PRKG1: variants seen among roughly 807,000 people sequenced by gnomAD.
The protein encoded by PRKG1 is protein kinase cGMP-dependent 1.
A neutral mutation model predicts 88.1 loss-of-function variants in PRKG1; 35 were observed. The observed-to-expected ratio is 0.40, with a 90% CI of 0.30 to 0.53. The LOEUF is 0.53. PRKG1 is among the 20% of genes least tolerant of loss of function. The pLI is 0.59. For missense variants in PRKG1, 540 were observed against 839.8 expected (o/e 0.64, Z 4.41); for synonymous variants, 303 against 292.5 (o/e 1.04, Z -0.37).
chr10:51,770,763 G>A (rs533870326), intron 3 of PRKG1, among the ~76,000 whole-genome samples: 1 of 152,252 alleles, frequency 6.6e-6, no homozygotes, highest in South Asian at 2.1e-4. Flanking sequence ...CTACAGCCCC[G>A]TTTGTGGAAA....
At chr10:51,343,022 C>T (rs1015508634) in intron 2 of PRKG1, among the ~76,000 whole-genome samples, 1 of 152,156 alleles carries the variant, frequency 6.6e-6, no homozygotes, top group African/African-American at 2.4e-5. Flanking sequence ...GTAGACTTCA[C>T]AGGAAAAGGG....
chr10:51,681,448 C>T (rs1166759468), intron 3 of PRKG1, among the ~76,000 whole-genome samples: 1 of 152,048 alleles, frequency 6.6e-6, no homozygotes, highest in Non-Finnish European at 1.5e-5. Flanking sequence ...ACTATTTCTA[C>T]ATAAATCTAC....
chr10:51,431,905 T>A lies in PRKG1; in HGVS notation c.479-35818T>A, dbSNP rs1392084960. ...AACAAAGCAAAAAAGCCTGCCCACA[T>A]GTTTTTACCACATATGGAAAAATAT... On this transcript the variant is annotated intron_variant, in intron 2 of 17. Coordinates refer to ENST00000373980, the MANE Select transcript of PRKG1 (RefSeq NM_006258.4). Among the ~76,000 whole-genome samples the A allele has an allele frequency of 2.6e-5, 4 of 152,284 alleles. No individual in the cohort carries two copies. In the East Asian group the frequency reaches 7.7e-4, roughly 29 times the overall value.
At chr10:51,340,757 G>T (rs1841986977) in intron 2 of PRKG1, among the ~76,000 whole-genome samples, 1 of 152,144 alleles carries the variant, frequency 6.6e-6, no homozygotes, top group Admixed American at 6.5e-5. Flanking sequence ...TTTGAGAAAA[G>T]TTCAGTGCCT....
intron 5 of PRKG1, among the ~76,000 whole-genome samples, chr10:51,979,239 A>G (rs533266148): frequency 2.0e-4 from 30 of 151,858 alleles, no homozygotes; most frequent in African/African-American, 7.0e-4. Flanking sequence ...CTCTTGTTCT[A>G]TTTATATGAT....
In PRKG1 at chr10:52,297,155, T is replaced by C. The variant is rs1564551259; in HGVS notation, c.*3255T>C. 6.6e-6 allele frequency: 1 copy of C among 152,178 alleles called. No individual in the cohort carries two copies. Among genetic ancestry groups the C allele is most frequent in the Non-Finnish European group, 1.5e-5 (1 of 68,020 alleles). 9.4% of individuals were successfully genotyped at this position (152,178 alleles called of 1,614,324 possible). The stretch of plus-strand genomic sequence containing the variant: ...TATGTAAATAGGTATTTTTGTGTGA[T>C]ATTTTGTGGTACATATAACTTTTTT... On this transcript the variant is annotated 3_prime_UTR_variant, in exon 18 of 18. Transcript: ENST00000373980.
At chr10:51,791,571 A>G (rs1249682678) in intron 3 of PRKG1, among the ~76,000 whole-genome samples, 2 of 152,114 alleles carry the variant, frequency 1.3e-5, no homozygotes, top group Non-Finnish European at 2.9e-5. Flanking sequence ...ACATCTGCTG[A>G]ACACTTTAGA....
At chr10:51,996,603 A>G (rs1844448962) in intron 5 of PRKG1, among the ~76,000 whole-genome samples, 1 of 152,166 alleles carries the variant, frequency 6.6e-6, no homozygotes, top group Non-Finnish European at 1.5e-5. Context: ...CCCAACTGCT[A>G]GACTGGCTGT....
intron 1 of PRKG1, among the ~76,000 whole-genome samples, chr10:51,015,981 G>A (rs1001768057): frequency 1.1e-4 from 16 of 152,280 alleles, no homozygotes; most frequent in African/African-American, 3.6e-4. Flanking sequence ...TGATGGAGGA[G>A]GCAAAGGGAC....
intron 4 of PRKG1, among the ~76,000 whole-genome samples, 189 bp from the exon 5 acceptor site, chr10:51,907,318 A>T (rs1230455160): frequency 1.2e-4 from 18 of 149,608 alleles, no homozygotes; most frequent in Non-Finnish European, 3.0e-5. Flanking sequence ...TGCTTAAATG[A>T]TTGCTTTGAT....
chr10:51,780,302 G>A (rs563437948), intron 3 of PRKG1, among the ~76,000 whole-genome samples: 1 of 151,980 alleles, frequency 6.6e-6, no homozygotes, highest in African/African-American at 2.4e-5. Context: ...TCTTCATAAG[G>A]CACAGTGATT....
At chr10:51,175,537 G>A (rs567113798) in intron 2 of PRKG1, among the ~76,000 whole-genome samples, 14 of 151,688 alleles carry the variant, frequency 9.2e-5, no homozygotes, top group Middle Eastern at 3.4e-3. Flanking sequence ...ATTTCCACCC[G>A]GAAGATAAAA....
chr10:51,037,269 G>A (rs1843364099), intron 1 of PRKG1, among the ~76,000 whole-genome samples: 1 of 151,646 alleles, frequency 6.6e-6, no homozygotes, highest in Non-Finnish European at 1.5e-5. Context: ...GCAACATAGC[G>A]AGACCTCCCC....
chr10:52,280,716 G>T, intron 12 of PRKG1, 73 bp from the exon 13 acceptor site: 17 of 1,506,044 alleles, frequency 1.1e-5, no homozygotes, highest in Non-Finnish European at 1.4e-5. Flanking sequence ...ATAGTGAAAT[G>T]AGAAAAAAAA....
chr10:51,261,629 A>G (rs890105063), intron 2 of PRKG1, among the ~76,000 whole-genome samples: 9 of 152,192 alleles, frequency 5.9e-5, no homozygotes, highest in African/African-American at 1.7e-4. Flanking sequence ...GTCTAATGCA[A>G]AGAATATCTT....
At chr10:52,093,205 C>A (rs543523783) in intron 7 of PRKG1, among the ~76,000 whole-genome samples, 2 of 152,070 alleles carry the variant, frequency 1.3e-5, no homozygotes, top group African/African-American at 4.8e-5. Flanking sequence ...AAGATTACTA[C>A]GTAATAGAGA....
intron 3 of PRKG1, among the ~76,000 whole-genome samples, chr10:51,540,396 G>A (rs1842270213): frequency 6.6e-6 from 1 of 152,140 alleles, no homozygotes; most frequent in African/African-American, 2.4e-5. Flanking sequence ...AGGATATTGA[G>A]TAAGAATAAT....
At chr10:51,785,518 C>A (rs1589284904) in intron 3 of PRKG1, among the ~76,000 whole-genome samples, 1 of 152,216 alleles carries the variant, frequency 6.6e-6, no homozygotes, top group East Asian at 1.9e-4. Flanking sequence ...CAACTTGTAA[C>A]AACTTAATGT....
At chr10:52,054,434 G>T (rs1230768294) in intron 5 of PRKG1, 50 bp from the exon 6 acceptor site, 1 of 1,392,390 alleles carries the variant, frequency 7.2e-7, no homozygotes, top group Non-Finnish European at 1.0e-6. Context: ...TGAGCTGTTT[G>T]GTAACTTACT....
Sources: gnomAD v4.1 joint callset for allele counts (sites outside exome capture counted in the v4.1 genomes callset) on GRCh38, gnomAD v4.1.1 for gene constraint, MANE v1.5 for transcripts, NCBI Gene and HGNC (gene_info 2026-07-23, HGNC 2026-07-21) for gene names.